Variants in CEP83 observed in about 807,000 individuals in gnomAD.
CEP83 encodes the protein centrosomal protein of 83 kDa.
In CEP83, 70 loss-of-function variants were observed where a neutral mutation model predicts 101.9. That is an observed-to-expected ratio of 0.69 (90% CI 0.57 to 0.84). CEP83 has a LOEUF of 0.84. Among genes scored for constraint, CEP83 ranks in the 40% least tolerant of loss-of-function variants. The probability of loss-of-function intolerance (pLI) is 0.00; values close to 1 mark genes in which losing one functional copy is unlikely to be tolerated. For missense variants in CEP83, 715 were observed against 787.2 expected (o/e 0.91, Z 1.10); for synonymous variants, 264 against 267.9 (o/e 0.99, Z 0.14).
At chr12:94,294,426 G>A in the CEP83 span, 2 of 718,630 alleles carry the variant, frequency 2.8e-6, no homozygotes, top group Admixed American at 2.3e-5. Context: ...TAATTCCTGG[G>A]TGAAGTTGAG....
At chr12:94,424,149 G>A (rs1158899060) in intron 2 of CEP83, 1 of 1,603,030 alleles carries the variant, frequency 6.2e-7, no homozygotes, top group African/African-American at 1.3e-5. Context: ...GACCGAGCAA[G>A]CATCCTGTTG....
chr12:94,302,326 C>T (rs977690221), downstream of CEP83, among the ~76,000 whole-genome samples: 21 of 152,188 alleles, frequency 1.4e-4, 1 homozygote, highest in Non-Finnish European at 7.3e-5. Context: ...TCCTGTCTCA[C>T]AGTCCCTCTG....
At chr12:94,421,863 A>C (rs2064778597) in intron 2 of CEP83, among the ~76,000 whole-genome samples, 1 of 152,196 alleles carries the variant, frequency 6.6e-6, no homozygotes, top group South Asian at 2.1e-4. Flanking sequence ...CTTCAAAGGG[A>C]CTTTCCTTCC....
intron 5 of CEP83, 79 bp downstream of exon 5, chr12:94,403,090 TG>T: frequency 1.3e-6 from 1 of 745,508 alleles, no homozygotes. Flanking sequence ...TGCAGGGTTT[TG>T]GGGTAGGGGA....
rs1034773237 is a variant in CEP83, at chr12:94,347,999, G to A, written c.1344-12335C>T. ...AGCAGAAATTAATGAGTTAGAAAAT[G>A]GGAAACCAGTCGATCTAATAAATAA... On this transcript the variant is annotated intron_variant, in intron 11 of 16. Coordinates refer to ENST00000397809, the MANE Select transcript of CEP83 (RefSeq NM_016122.3). Among the ~76,000 whole-genome samples, 9 of 152,136 alleles carry A rather than the reference G, an allele frequency of 5.9e-5. 1 individual carries two copies. The highest frequency in any genetic ancestry group is 2.2e-4 in the African/African-American group (9 of 41,510).
At chr12:94,297,126 C>T in the CEP83 span, 201 of 1,544,962 alleles carry the variant, frequency 1.3e-4, no homozygotes, top group Non-Finnish European at 1.7e-4. Flanking sequence ...AAGAGAAGGC[C>T]GATTAGCCCA....
chr12:94,268,730 G>A, the CEP83 span, among the ~76,000 whole-genome samples: 9 of 151,286 alleles, frequency 5.9e-5, no homozygotes, highest in Non-Finnish European at 1.3e-4. Context: ...AAATACCTGG[G>A]ATTATAGGCA....
chr12:94,277,710 G>A, the CEP83 span: 1 of 342,866 alleles, frequency 2.9e-6, no homozygotes, highest in South Asian at 2.2e-5. Context: ...GCTGTCCAAT[G>A]TGGGCTGAAT....
intron 6 of CEP83, among the ~76,000 whole-genome samples, chr12:94,392,997 CAA>C (rs1282239238): frequency 4.6e-5 from 7 of 151,910 alleles, no homozygotes; most frequent in Admixed American, 4.6e-4. Context: ...GCCTACCAAC[CAA>C]AAAAAGTCCA....
At position 94,312,928 on chromosome 12, in the gene CEP83, A is replaced by AT; in HGVS notation, c.1796dup (p.Asn599LysfsTer6). 1 of 1,563,082 alleles carries AT rather than the reference A, an allele frequency of 6.4e-7. No individual in the cohort carries two copies. Among genetic ancestry groups the AT allele is most frequent in the Non-Finnish European group, 8.8e-7 (1 of 1,139,252 alleles). ...AAACACATTACCTATTTAAGACCTG[A>AT]TTTTCTGTTTCCAATTCTTCTTTCT... On this transcript the variant is annotated frameshift_variant, in exon 15 of 17. Transcript: ENST00000397809. LOFTEE classifies it high-confidence loss of function.
rs1299604616 is a variant in CEP83 at position 94,416,597 on chromosome 12, AC to A, written c.-101-4007del. ...ACAAAAAAAAAAAAACTGTAGTTCC[AC>A]CCCCATCCACACAAGCAAAGATTAG... On this transcript the variant is annotated intron_variant, in intron 2 of 16. Transcript: ENST00000397809. Among the ~76,000 whole-genome samples, 4 of 149,656 alleles carry A rather than the reference AC, an allele frequency of 2.7e-5. No homozygotes were observed. The East Asian group carries it at 7.8e-4, about 29-fold the overall frequency.
downstream of CEP83, among the ~76,000 whole-genome samples, chr12:94,302,785 T>G (rs1183879838): frequency 6.6e-6 from 1 of 152,208 alleles, no homozygotes; most frequent in Non-Finnish European, 1.5e-5. Flanking sequence ...TAGTAAGCAC[T>G]TCATAAATCT....
At chr12:94,297,270 G>C in the CEP83 span, 1 of 1,613,174 alleles carries the variant, frequency 6.2e-7, no homozygotes, top group Non-Finnish European at 8.5e-7. Flanking sequence ...GCCTTCTGTA[G>C]CAAGAGTGGT....
intron 1 of CEP83, among the ~76,000 whole-genome samples, chr12:94,439,801 T>C (rs1341737157): frequency 6.6e-6 from 1 of 152,042 alleles, no homozygotes; most frequent in Non-Finnish European, 1.5e-5. Context: ...AACAAAATAC[T>C]AGCTAACCAA....
At chr12:94,331,972 G>A (rs1053125938) in intron 13 of CEP83, 143 bp from the exon 14 acceptor site, 52 of 665,328 alleles carry the variant, frequency 7.8e-5, no homozygotes, top group South Asian at 7.4e-4. Flanking sequence ...ATGGCCACTT[G>A]TTTGGAAATC....
intron 6 of CEP83, among the ~76,000 whole-genome samples, chr12:94,393,659 A>C (rs955218017): frequency 6.6e-6 from 1 of 152,220 alleles, no homozygotes; most frequent in African/African-American, 2.4e-5. Flanking sequence ...AAGGGTATTC[A>C]ATTAGGAAAT....
the CEP83 span, among the ~76,000 whole-genome samples, chr12:94,295,017 A>T: frequency 6.6e-6 from 1 of 152,198 alleles, no homozygotes; most frequent in Non-Finnish European, 1.5e-5. Context: ...TAAAGGGGGA[A>T]CTTTTATGGG....
intron 1 of CEP83, among the ~76,000 whole-genome samples, chr12:94,444,066 C>T (rs2066616785): frequency 6.6e-6 from 1 of 152,128 alleles, no homozygotes; most frequent in African/African-American, 2.4e-5. Context: ...ACACTGTTTG[C>T]TAACCAATTA....
At chr12:94,337,202 CAAAAGCTG>C (rs1264267044) in intron 11 of CEP83, among the ~76,000 whole-genome samples, 1 of 152,052 alleles carries the variant, frequency 6.6e-6, no homozygotes, top group Non-Finnish European at 1.5e-5. Context: ...GCCCTACATA[CAAAAGCTG>C]AAGCCAAAGA....
Sources: allele counts gnomAD v4.1 joint callset (sites outside exome capture counted in the v4.1 genomes callset), GRCh38; gene constraint gnomAD v4.1.1; transcripts MANE v1.5; gene names NCBI Gene and HGNC (gene_info 2026-07-23, HGNC 2026-07-21).